The following SCN1A variants were observed in gnomAD, a reference collection of about 807,000 sequenced individuals.
SCN1A encodes sodium voltage-gated channel alpha subunit 1, also known as sodium channel protein type 1 subunit alpha.
Under a neutral mutation model 193.7 loss-of-function variants are expected in SCN1A, and 13 were observed. That is an observed-to-expected ratio of 0.07 (90% CI 0.04 to 0.11). The LOEUF is 0.11. SCN1A is among the 10% of genes least tolerant of loss of function. SCN1A has a pLI of 1.00. For synonymous variants in SCN1A, 781 were observed against 843.6 expected, an observed-to-expected ratio of 0.93 and a Z score of 1.29; for missense variants, 1,432 against 2,451.1, an observed-to-expected ratio of 0.58 and a Z score of 8.78.
At chr2:165,996,256 G>T in intron 26 of SCN1A, 139 bp from the exon 27 acceptor site, 1 of 569,132 alleles carries the variant, frequency 1.8e-6, no homozygotes. Context: ...GATTTAAAAT[G>T]TAAAAAAAAT....
intron 22 of SCN1A, 30 bp from the exon 23 acceptor site, chr2:166,009,871 A>C: frequency 6.3e-7 from 1 of 1,598,828 alleles, no homozygotes; most frequent in Non-Finnish European, 8.6e-7. Context: ...AACAATTAAT[A>C]AACAGAATCA....
intron 18 of SCN1A, among the ~76,000 whole-genome samples, chr2:166,036,927 T>A (rs1696461525): frequency 6.6e-6 from 1 of 152,198 alleles, no homozygotes; most frequent in Admixed American, 6.6e-5. Flanking sequence ...AACAAAGATA[T>A]TAAATTGGAT....
chr2:166,013,689 G>GT, intron 21 of SCN1A, 55 bp downstream of exon 21: 2 of 1,497,234 alleles, frequency 1.3e-6, no homozygotes, highest in Non-Finnish European at 1.9e-6. Context: ...TAAGTCATCA[G>GT]TATTAGAGTG....
At chr2:166,049,859 G>T (rs1213366504) in intron 9 of SCN1A, among the ~76,000 whole-genome samples, 2 of 151,742 alleles carry the variant, frequency 1.3e-5, no homozygotes, top group African/African-American at 4.8e-5. Flanking sequence ...TTTGAGACCG[G>T]GTAGCCTTTC....
chr2:166,093,785 A>G (rs931403290), intron 2 of SCN1A, among the ~76,000 whole-genome samples: 15 of 152,240 alleles, frequency 9.9e-5, no homozygotes, highest in East Asian at 1.9e-4. Flanking sequence ...AACAAAAGAA[A>G]AAAATGGAGG....
rs1693209217 is a variant in SCN1A at position 166,015,776 on chromosome 2, A to G, written c.3430-49T>C. The G allele has an allele frequency of 4.4e-6, 7 of 1,607,052 alleles. No individual in the cohort carries two copies. The East Asian group carries it at 8.9e-5, about 21-fold the overall frequency. On this transcript the variant is annotated intron_variant, in intron 19 of 28. Transcript: ENST00000674923. ...AGTAAAGTCCTTTAATTTTGGTAAT[A>G]AGTTGCCTGCCAAGAAAGGATTATT...
At chr2:166,000,912 T>C (rs1316195919) in intron 24 of SCN1A, among the ~76,000 whole-genome samples, 2 of 149,258 alleles carry the variant, frequency 1.3e-5, no homozygotes, top group East Asian at 4.1e-4. Context: ...TTTTTTTTGG[T>C]GGCAGAATTT....
chr2:166,118,298 G>GCTTCTTCTTTTTTTTT (rs371947861), intron 2 of SCN1A, among the ~76,000 whole-genome samples: 19 of 44,730 alleles, frequency 4.2e-4, no homozygotes, highest in African/African-American at 1.3e-3. Context: ...TTTCTATTTA[G>GCTTCTTCTTTTTTTTT]TTTCTTTTTT....
At chr2:166,116,287 G>C (rs540309843) in intron 2 of SCN1A, among the ~76,000 whole-genome samples, 3 of 152,296 alleles carry the variant, frequency 2.0e-5, no homozygotes, top group African/African-American at 7.2e-5. Flanking sequence ...TCTTACATTG[G>C]TTTAGGTGAG....
At chr2:165,999,366 C>T (rs1037818609) in intron 25 of SCN1A, among the ~76,000 whole-genome samples, 1 of 151,436 alleles carries the variant, frequency 6.6e-6, no homozygotes, top group Admixed American at 6.6e-5. Flanking sequence ...TACATTTCAA[C>T]TAATGATAGA....
chr2:166,085,688 T>C (rs1559306215), intron 2 of SCN1A, among the ~76,000 whole-genome samples: 1 of 152,096 alleles, frequency 6.6e-6, no homozygotes. Flanking sequence ...TATCAGGTGT[T>C]TGACACTTTC....
Position 165,998,310 on chromosome 2 carries a change from C to A in SCN1A, c.4339-135G>T, listed in dbSNP as rs552328105. 2.3e-4 allele frequency: 153 copies of A among 665,350 alleles called. 1 individual carries two copies. The highest frequency in any genetic ancestry group is 2.3e-3 in the African/African-American group (123 of 53,632). 41.2% of individuals were successfully genotyped at this position (665,350 alleles called of 1,614,324 possible). Reference sequence around the variant, plus strand: ...ATTTTTTTTTTTTCTGAATCAACTACCTCTAAAAAACATCCCTGAAATTGG... The same window carrying A: ...ATTTTTTTTTTTTCTGAATCAACTAACTCTAAAAAACATCCCTGAAATTGG... On this transcript the variant is annotated intron_variant, in intron 25 of 28. Coordinates refer to ENST00000674923, the MANE Select transcript of SCN1A (RefSeq NM_001165963.4).
chr2:165,992,397 T>C lies in SCN1A; in HGVS notation c.4878A>G (p.Glu1626=). The change falls in exon 29 of 29, where the codon GAA becomes GAG. Residue 1626 remains glutamate, a synonymous_variant. Transcript: ENST00000674923. The surrounding 1 kb of genome is among the most constrained non-coding windows in gnomAD (Gnocchi z 6.5). The part of the protein sequence containing the change: ...IVGMFLAELI[E]KYFVSPTLFR... Reference sequence around the variant, plus strand: ...ACAGGGTAGGGGACACGAAATACTTTTCTATCAGCTCGGCAAGAAACATAC... The same window carrying C: ...ACAGGGTAGGGGACACGAAATACTTCTCTATCAGCTCGGCAAGAAACATAC... 1 of 1,613,562 alleles carries C rather than the reference T, an allele frequency of 6.2e-7. No individual in the cohort carries two copies. Among genetic ancestry groups the C allele is most frequent in the Non-Finnish European group, 8.5e-7 (1 of 1,179,720 alleles).
In SCN1A at chr2:166,093,346, T is replaced by A. The variant is rs1397836329; in HGVS notation, c.-141-15545A>T. On this transcript the variant is annotated intron_variant, in intron 2 of 28. Transcript: ENST00000674923. ...GATTTTCAGTTGAATTCTTCTTTTT[T>A]TTTTTCCTTTGAGATGGAGTCTCAC... Among the ~76,000 whole-genome samples, 3 of 152,098 alleles carry A rather than the reference T, an allele frequency of 2.0e-5. No homozygotes were observed. In the South Asian group the frequency reaches 6.2e-4, roughly 32 times the overall value.
At chr2:166,018,024 A>G (rs887954478) in intron 19 of SCN1A, among the ~76,000 whole-genome samples, 10 of 152,022 alleles carry the variant, frequency 6.6e-5, no homozygotes, top group Non-Finnish European at 1.2e-4. Context: ...TTCTTTGCAC[A>G]TAAGTGTTTT....
intron 2 of SCN1A, among the ~76,000 whole-genome samples, chr2:166,123,120 C>T (rs1262863773): frequency 1.3e-5 from 2 of 149,884 alleles, no homozygotes; most frequent in East Asian, 3.9e-4. Flanking sequence ...GAATATGAGT[C>T]TTGAAGGAAT....
At chr2:166,019,180 T>C (rs1025475069) in intron 19 of SCN1A, among the ~76,000 whole-genome samples, 7 of 152,116 alleles carry the variant, frequency 4.6e-5, no homozygotes, top group African/African-American at 1.7e-4. Context: ...TTTTAATGCA[T>C]AGAGCTTGGA....
chr2:166,117,948 G>A (rs1690049971), intron 2 of SCN1A, among the ~76,000 whole-genome samples: 1 of 142,976 alleles, frequency 7.0e-6, no homozygotes, highest in African/African-American at 2.6e-5. Flanking sequence ...GGGCAATAGA[G>A]TGAGACTCTG....
intron 2 of SCN1A, among the ~76,000 whole-genome samples, chr2:166,094,064 C>A (rs73972804): frequency 2.0e-5 from 3 of 146,352 alleles, no homozygotes; most frequent in Non-Finnish European, 3.0e-5. Flanking sequence ...CACACACACA[C>A]AAAAATGATC....
Sources: gnomAD v4.1 joint callset for allele counts (sites outside exome capture counted in the v4.1 genomes callset) on GRCh38, gnomAD v4.1.1 for gene constraint, Gnocchi (gnomAD v3.1) non-coding constraint, MANE v1.5 for transcripts, NCBI Gene and HGNC (gene_info 2026-07-23, HGNC 2026-07-21) for gene names.